SRD5A2: variants seen among roughly 807,000 people sequenced by gnomAD.
SRD5A2 encodes the protein 3-oxo-5-alpha-steroid 4-dehydrogenase 2.
In SRD5A2, 30 loss-of-function variants were observed where a neutral mutation model predicts 27.4. The ratio of observed to expected loss-of-function variants is 1.10; its 90% CI spans 0.82 to 1.49. The LOEUF (loss-of-function observed/expected upper bound fraction) is 1.49. SRD5A2 is among the 40% of genes most tolerant of loss of function. The probability of loss-of-function intolerance (pLI) is 0.00; values close to 1 mark genes in which losing one functional copy is unlikely to be tolerated. For synonymous variants in SRD5A2, 141 were observed against 133.6 expected (o/e 1.06, Z -0.38); for missense variants, 348 against 323.4 (o/e 1.08, Z -0.58).
the SRD5A2 span, among the ~76,000 whole-genome samples, chr2:31,605,808 A>T: frequency 2.6e-5 from 4 of 152,000 alleles, no homozygotes; most frequent in South Asian, 8.3e-4. Context: ...TACATACCCA[A>T]AAGAAAGGAA....
At chr2:31,612,663 C>G in the SRD5A2 span, among the ~76,000 whole-genome samples, 1 of 152,056 alleles carries the variant, frequency 6.6e-6, no homozygotes, top group Non-Finnish European at 1.5e-5. Flanking sequence ...ATGGAAAAAA[C>G]AATCCTAAAA....
intron 1 of SRD5A2, among the ~76,000 whole-genome samples, chr2:31,559,620 T>C (rs1339082830): frequency 2.6e-5 from 4 of 152,196 alleles, no homozygotes; most frequent in African/African-American, 9.6e-5. Flanking sequence ...GCCATAAACA[T>C]AGATGTATAA....
intron 1 of SRD5A2, among the ~76,000 whole-genome samples, chr2:31,543,838 C>T (rs1200426398): frequency 1.3e-5 from 2 of 152,024 alleles, no homozygotes; most frequent in African/African-American, 2.4e-5. Flanking sequence ...AAGTAAGTTC[C>T]TCCTTTTCAG....
chr2:31,657,050 G>T, the SRD5A2 span, among the ~76,000 whole-genome samples: 1 of 152,152 alleles, frequency 6.6e-6, no homozygotes, highest in Non-Finnish European at 1.5e-5. Flanking sequence ...AAACCAGGAG[G>T]ATCCTGATGA....
chr2:31,553,478 A>G (rs1666422451), intron 1 of SRD5A2, among the ~76,000 whole-genome samples: 1 of 152,218 alleles, frequency 6.6e-6, no homozygotes, highest in Non-Finnish European at 1.5e-5. Context: ...AAGACACATT[A>G]CAATCAAATT....
Position 31,529,443 on chromosome 2 carries a change from A to G in SRD5A2, c.562T>C (p.Tyr188His). The G allele has an allele frequency of 1.2e-6, 2 of 1,613,346 alleles. No homozygotes were observed. The highest frequency in any genetic ancestry group is 1.3e-5 in the African/African-American group (1 of 75,038). The change falls in exon 4 of 5, where the codon TAT becomes CAT. Residue 188 changes from tyrosine to histidine, a missense_variant. Physicochemically the swap from Tyr to His is moderately conservative, Grantham distance 83. Transcript: ENST00000622030. ...YRIPQGGLFTYVSGANFLGEI... is the reference protein window; with the variant it reads ...YRIPQGGLFTHVSGANFLGEI... The stretch of plus-strand genomic sequence containing the variant: ...CCGAGGAAATTGGCTCCAGAAACAT[A>G]CGTAAACAAGCCACCTGCGTGCAGA...
At chr2:31,555,389 A>C (rs938527774) in intron 1 of SRD5A2, among the ~76,000 whole-genome samples, 1 of 152,154 alleles carries the variant, frequency 6.6e-6, no homozygotes, top group Admixed American at 6.6e-5. Context: ...GGCCAAACAG[A>C]ACAGGAAGGG....
chr2:31,555,572 C>T (rs990175515), intron 1 of SRD5A2, among the ~76,000 whole-genome samples: 2 of 152,158 alleles, frequency 1.3e-5, no homozygotes, highest in African/African-American at 4.8e-5. Flanking sequence ...TCTGAAACTA[C>T]AGCCAGCAAA....
the SRD5A2 span, among the ~76,000 whole-genome samples, chr2:31,655,396 C>A: frequency 1.3e-5 from 2 of 152,206 alleles, no homozygotes; most frequent in Non-Finnish European, 2.9e-5. Context: ...CCACTGCACC[C>A]AGCCTGAAAT....
chr2:31,637,854 G>A, the SRD5A2 span, among the ~76,000 whole-genome samples: 1 of 151,532 alleles, frequency 6.6e-6, no homozygotes, highest in South Asian at 2.1e-4. Context: ...TCTAGCTAAG[G>A]GTTTGTTAAT....
chr2:31,650,067 C>T, the SRD5A2 span, among the ~76,000 whole-genome samples: 2 of 152,010 alleles, frequency 1.3e-5, no homozygotes, highest in South Asian at 4.2e-4. Flanking sequence ...CTCATGTGCT[C>T]CCCAGACATC....
At chr2:31,638,879 C>G in the SRD5A2 span, among the ~76,000 whole-genome samples, 1 of 151,658 alleles carries the variant, frequency 6.6e-6, no homozygotes, top group Non-Finnish European at 1.5e-5. Flanking sequence ...TCACTCTGTG[C>G]CTTTGAATTA....
chr2:31,528,031 T>A (rs1665820939), intron 4 of SRD5A2, among the ~76,000 whole-genome samples: 1 of 152,224 alleles, frequency 6.6e-6, no homozygotes, highest in African/African-American at 2.4e-5. Context: ...TAAAGCCTGA[T>A]AACAACCTAA....
the SRD5A2 span, among the ~76,000 whole-genome samples, chr2:31,613,001 T>C: frequency 7.2e-5 from 11 of 152,134 alleles, no homozygotes; most frequent in East Asian, 1.9e-4. Context: ...TTTCATACCA[T>C]ATACAAAAAT....
chr2:31,655,406 T>C, the SRD5A2 span, among the ~76,000 whole-genome samples: 1 of 152,318 alleles, frequency 6.6e-6, no homozygotes, highest in South Asian at 2.1e-4. Flanking sequence ...CAGCCTGAAA[T>C]GTGCTTCCTA....
chr2:31,580,382 G>A (rs2148106537), intron 1 of SRD5A2, among the ~76,000 whole-genome samples: 1 of 152,304 alleles, frequency 6.6e-6, no homozygotes, highest in East Asian at 1.9e-4. Flanking sequence ...TGCTGAGAGC[G>A]GATGAGGTCC....
At chr2:31,578,196 T>G (rs984278113) in intron 1 of SRD5A2, among the ~76,000 whole-genome samples, 4 of 152,270 alleles carry the variant, frequency 2.6e-5, no homozygotes, top group Admixed American at 6.5e-5. Context: ...TTTCTACTTT[T>G]GGGATTTTTC....
chr2:31,628,231 T>C, the SRD5A2 span, among the ~76,000 whole-genome samples: 14 of 152,264 alleles, frequency 9.2e-5, no homozygotes, highest in African/African-American at 3.1e-4. Context: ...CATAATGCTC[T>C]TGTCTTTTTT....
At chr2:31,571,752 C>A (rs893641586) in intron 1 of SRD5A2, among the ~76,000 whole-genome samples, 2 of 152,018 alleles carry the variant, frequency 1.3e-5, no homozygotes, top group Admixed American at 6.6e-5. Context: ...ATGTGGCCAA[C>A]AAGGATATGA....
Sources: gnomAD v4.1 joint callset for allele counts (sites outside exome capture counted in the v4.1 genomes callset) on GRCh38, gnomAD v4.1.1 for gene constraint, MANE v1.5 for transcripts, NCBI Gene and HGNC (gene_info 2026-07-23, HGNC 2026-07-21) for gene names.